The following GRIK4 variants were observed in gnomAD, a reference collection of about 807,000 sequenced individuals.
The protein encoded by GRIK4 is glutamate ionotropic receptor kainate type subunit 4.
GRIK4 carries 40 observed loss-of-function variants against 104.9 expected under a neutral mutation model. The observed-to-expected ratio is 0.38, with a 90% CI of 0.30 to 0.50. The LOEUF (loss-of-function observed/expected upper bound fraction) is 0.50, where lower values mean the gene tolerates loss of function less well. Among genes scored for constraint, GRIK4 ranks in the 20% least tolerant of loss-of-function variants. GRIK4 has a pLI of 0.93. For missense variants in GRIK4, 1,047 were observed against 1,308.1 expected (o/e 0.80, Z 3.08); for synonymous variants, 485 against 524.9 (o/e 0.92, Z 1.04).
intron 8 of GRIK4, among the ~76,000 whole-genome samples, chr11:120,847,113 C>G (rs12223164): frequency 2.0e-5 from 3 of 152,180 alleles, no homozygotes; most frequent in Non-Finnish European, 4.4e-5. Flanking sequence ...ACATTAAATT[C>G]TTTTGGATTG....
intron 1 of GRIK4, among the ~76,000 whole-genome samples, chr11:120,567,918 GC>G (rs1948351297): frequency 6.6e-6 from 1 of 152,192 alleles, no homozygotes; most frequent in Admixed American, 6.5e-5. Context: ...GGTGGCTCAT[GC>G]CTATAATCCC....
chr11:120,659,838 G>C (rs1278646995), intron 2 of GRIK4, among the ~76,000 whole-genome samples: 1 of 152,220 alleles, frequency 6.6e-6, no homozygotes, highest in East Asian at 1.9e-4. Flanking sequence ...CTGTGTTCAA[G>C]TCTGTGACAC....
At chr11:120,856,436 T>G (rs970901578) in intron 8 of GRIK4, among the ~76,000 whole-genome samples, 9 of 152,210 alleles carry the variant, frequency 5.9e-5, no homozygotes, top group Non-Finnish European at 1.0e-4. Context: ...CTCCATTAAA[T>G]AGCAGCTATT....
intron 3 of GRIK4, among the ~76,000 whole-genome samples, chr11:120,753,610 A>G (rs1417398931): frequency 6.6e-6 from 1 of 152,164 alleles, no homozygotes; most frequent in Non-Finnish European, 1.5e-5. Context: ...CAAAACAGTC[A>G]TCATTTTCAA....
intron 1 of GRIK4, among the ~76,000 whole-genome samples, chr11:120,561,620 C>A (rs1948240118): frequency 6.6e-6 from 1 of 152,230 alleles, no homozygotes; most frequent in Non-Finnish European, 1.5e-5. Flanking sequence ...CAGGCCACAC[C>A]TTCGGGGGCA....
intron 8 of GRIK4, among the ~76,000 whole-genome samples, chr11:120,842,258 G>T (rs1953737017): frequency 6.6e-6 from 1 of 152,172 alleles, no homozygotes; most frequent in Non-Finnish European, 1.5e-5. Context: ...CAAGGCCCCA[G>T]TCTTCTTCTA....
intron 3 of GRIK4, among the ~76,000 whole-genome samples, chr11:120,702,548 C>T (rs1950569957): frequency 2.0e-5 from 3 of 152,032 alleles, no homozygotes; most frequent in Non-Finnish European, 4.4e-5. Flanking sequence ...AAGGACAGAG[C>T]TCGGGGGTGC....
Position 120,513,385 on chromosome 11 carries a change from G to C in GRIK4, c.-159+1498G>C, listed in dbSNP as rs1304981547. Among the ~76,000 whole-genome samples the C allele has an allele frequency of 3.9e-5, 6 of 152,116 alleles. No individual in the cohort carries two copies. The highest frequency in any genetic ancestry group is 5.9e-5 in the Non-Finnish European group (4 of 68,018). On this transcript the variant is annotated intron_variant, in intron 1 of 20. Coordinates refer to ENST00000527524, the MANE Select transcript of GRIK4 (RefSeq NM_014619.5). This position sits in a 1 kb window ranked among gnomAD's most constrained non-coding sequence, Gnocchi z 4.5. The stretch of plus-strand genomic sequence containing the variant: ...CAAATCCGGTCCTGCCTGACTCCCT[G>C]ACTGTCTGTGCTCGCGTGGTCAGGG...
intron 8 of GRIK4, among the ~76,000 whole-genome samples, chr11:120,841,165 T>G (rs1159094920): frequency 6.6e-6 from 1 of 152,194 alleles, no homozygotes; most frequent in Non-Finnish European, 1.5e-5. Context: ...TTCAGTGGCA[T>G]GAAGTACATC....
At chr11:120,907,182 G>T (rs913426917) in intron 13 of GRIK4, among the ~76,000 whole-genome samples, 1 of 152,192 alleles carries the variant, frequency 6.6e-6, no homozygotes, top group Non-Finnish European at 1.5e-5. Context: ...TCAGTAGTTA[G>T]ACCATAGAAA....
At chr11:120,566,737 C>T (rs556334838) in intron 1 of GRIK4, among the ~76,000 whole-genome samples, 5 of 147,748 alleles carry the variant, frequency 3.4e-5, no homozygotes, top group Admixed American at 1.4e-4. Context: ...CGGCGTCTCA[C>T]TCTGTTGCCA....
At chr11:120,882,910 C>T (rs1245279167) in intron 11 of GRIK4, among the ~76,000 whole-genome samples, 1 of 152,156 alleles carries the variant, frequency 6.6e-6, no homozygotes, top group African/African-American at 2.4e-5. Context: ...TCTCGCATGC[C>T]CTTGCCAGTG....
At chr11:120,662,258 T>C (rs1037063851) in intron 3 of GRIK4, among the ~76,000 whole-genome samples, 1 of 152,224 alleles carries the variant, frequency 6.6e-6, no homozygotes, top group Non-Finnish European at 1.5e-5. Flanking sequence ...CTGTCAAGAC[T>C]GCTGGCCCTC....
chr11:120,583,367 A>G (rs1948614073), intron 1 of GRIK4, among the ~76,000 whole-genome samples: 1 of 152,100 alleles, frequency 6.6e-6, no homozygotes, highest in African/African-American at 2.4e-5. Flanking sequence ...GTTTCCATTT[A>G]TCAATTTTTG....
chr11:120,654,782 G>A (rs1420870702), intron 2 of GRIK4, among the ~76,000 whole-genome samples: 1 of 152,184 alleles, frequency 6.6e-6, no homozygotes, highest in African/African-American at 2.4e-5. Flanking sequence ...AGAAGTCAAG[G>A]TTTAGAGATG....
chr11:120,621,171 G>A (rs1032650311), intron 1 of GRIK4, among the ~76,000 whole-genome samples: 1 of 152,188 alleles, frequency 6.6e-6, no homozygotes, highest in Non-Finnish European at 1.5e-5. Flanking sequence ...GCTGAGTCTT[G>A]GGTAAGGTCA....
rs776090051 is a variant in GRIK4, at chr11:120,956,757, T to C, written c.1701-23T>C. On this transcript the variant is annotated intron_variant, in intron 15 of 20. Transcript: ENST00000527524. The surrounding 1 kb of genome is among the most constrained non-coding windows in gnomAD (Gnocchi z 4.6). ...TCACACCCCGCCTCTGTGGCACTAG[T>C]GTATGTTCCTTTTCTCCCACAGGTT... is the stretch of plus-strand genomic sequence containing the variant. 2.3e-5 allele frequency: 35 copies of C among 1,513,484 alleles called. No individual in the cohort carries two copies. The highest frequency in any genetic ancestry group is 3.1e-5 in the Non-Finnish European group (35 of 1,119,076). 93.8% of individuals were successfully genotyped at this position (1,513,484 alleles called of 1,614,324 possible).
intron 1 of GRIK4, among the ~76,000 whole-genome samples, chr11:120,643,502 T>C (rs941701519): frequency 1.3e-5 from 2 of 152,170 alleles, no homozygotes; most frequent in East Asian, 3.9e-4. Context: ...ACCGCTGATA[T>C]TGGGGGTTGG....
At chr11:120,979,936 GT>G (rs1944623751) in intron 19 of GRIK4, among the ~76,000 whole-genome samples, 1 of 151,924 alleles carries the variant, frequency 6.6e-6, no homozygotes, top group Admixed American at 6.6e-5. Context: ...TTGGGTTCGA[GT>G]GATTCTCCTA....
Sources: allele counts gnomAD v4.1 joint callset (sites outside exome capture counted in the v4.1 genomes callset), GRCh38; gene constraint gnomAD v4.1.1; non-coding constraint Gnocchi (gnomAD v3.1); transcripts MANE v1.5; gene names NCBI Gene and HGNC (gene_info 2026-07-23, HGNC 2026-07-21).